The following L3MBTL1 variants were observed in gnomAD, a reference collection of about 807,000 sequenced individuals.
L3MBTL1 encodes the protein L3MBTL histone methyl-lysine binding protein 1.
Under a neutral mutation model 105.3 loss-of-function variants are expected in L3MBTL1, and 75 were observed. The ratio of observed to expected loss-of-function variants is 0.71; its 90% CI spans 0.59 to 0.86. L3MBTL1 has a LOEUF of 0.86. Ranked by LOEUF, L3MBTL1 falls within the 40% of genes least tolerant of loss-of-function variation. The pLI is 0.00. For synonymous variants in L3MBTL1, 452 were observed against 436.2 expected (o/e 1.04, Z -0.45); for missense variants, 1,069 against 1,126.4 (o/e 0.95, Z 0.73).
At chr20:43,542,626 AAAAAG>A (rs2019960398), downstream of L3MBTL1, among the ~76,000 whole-genome samples, 3 of 151,890 alleles carry the variant, frequency 2.0e-5, no homozygotes, top group South Asian at 2.1e-4. Context: ...AAAAAAAAAA[AAAAAG>A]AAAAGAAAAA....
chr20:43,522,116 G>A (rs2018740528), intron 7 of L3MBTL1, among the ~76,000 whole-genome samples: 1 of 152,192 alleles, frequency 6.6e-6, no homozygotes, highest in South Asian at 2.1e-4. Context: ...CTGCACTTTG[G>A]GAGGCCGAGG....
At chr20:43,521,942 G>T (rs1213958493) in intron 7 of L3MBTL1, among the ~76,000 whole-genome samples, 1 of 152,188 alleles carries the variant, frequency 6.6e-6, no homozygotes, top group African/African-American at 2.4e-5. Context: ...ATGAGCAAAA[G>T]AACAGATATC....
chr20:43,534,471 G>T, intron 15 of L3MBTL1, 77 bp downstream of exon 15: 1 of 1,106,856 alleles, frequency 9.0e-7, no homozygotes, highest in South Asian at 1.3e-5. Context: ...AGAGGTCAGG[G>T]GCATCATGGC....
intron 2 of L3MBTL1, 49 bp downstream of exon 2, chr20:43,513,688 C>G: frequency 6.5e-7 from 1 of 1,549,348 alleles, no homozygotes. Context: ...ATCTCTGTAC[C>G]TGCTCAAGCA....
At chr20:43,512,491 A>T (rs1185895978) in intron 1 of L3MBTL1, among the ~76,000 whole-genome samples, 5 of 152,230 alleles carry the variant, frequency 3.3e-5, no homozygotes, top group African/African-American at 1.2e-4. Flanking sequence ...GACTACAGGC[A>T]TGCACCACTG....
intron 9 of L3MBTL1, 118 bp from the exon 10 acceptor site, chr20:43,530,166 G>T: frequency 7.9e-7 from 1 of 1,265,448 alleles, no homozygotes; most frequent in Non-Finnish European, 1.1e-6. Flanking sequence ...AGGTGGGGTT[G>T]GGGAACCTGC....
At chr20:43,537,496 C>T (rs60405072) in intron 19 of L3MBTL1, among the ~76,000 whole-genome samples, 49 of 149,474 alleles carry the variant, frequency 3.3e-4, no homozygotes, top group African/African-American at 1.2e-3. Flanking sequence ...TTCATTTTAA[C>T]TTAATCACTC....
chr20:43,518,831 C>G (rs8124567), intron 7 of L3MBTL1, among the ~76,000 whole-genome samples: 13,038 of 127,644 alleles, frequency 0.1, 1,298 homozygotes, highest in African/African-American at 0.26. Context: ...CATGGTGAAA[C>G]CCCATCTCTA....
At chr20:43,545,483 A>G (rs1978535361), downstream of L3MBTL1, among the ~76,000 whole-genome samples, 1 of 152,142 alleles carries the variant, frequency 6.6e-6, no homozygotes, top group African/African-American at 2.4e-5. Context: ...CTCAGGTCCA[A>G]GGGAGCTGCC....
chr20:43,545,213 A>G (rs1382727456), downstream of L3MBTL1, among the ~76,000 whole-genome samples: 1 of 151,722 alleles, frequency 6.6e-6, no homozygotes, highest in African/African-American at 2.4e-5. Context: ...GAAAAATACA[A>G]AATTAGCCGG....
intron 7 of L3MBTL1, among the ~76,000 whole-genome samples, chr20:43,525,163 C>T (rs1057447603): frequency 4.0e-5 from 6 of 150,786 alleles, no homozygotes; most frequent in South Asian, 2.1e-4. Context: ...TTCTGGCTTG[C>T]GTGACTGGAT....
chr20:43,530,142 T>A, intron 9 of L3MBTL1, 142 bp from the exon 10 acceptor site: 1 of 956,140 alleles, frequency 1.0e-6, no homozygotes, highest in Non-Finnish European at 1.6e-6. Flanking sequence ...TGGGGTACAA[T>A]TGGGAGGAAA....
chr20:43,548,109 A>G lies in L3MBTL1; in HGVS notation c.2125-2A>G. ...TTCCACCTCCCTCCCGCAACCCCTC[A>G]GATGATTGACGGCGAGGCCTTCCTT... On this transcript the variant is annotated splice_acceptor_variant, in intron 18 of 18. Coordinates refer to the L3MBTL1 transcript ENST00000422861. LOFTEE classifies it high-confidence loss of function. 3 of 1,297,798 alleles carry G rather than the reference A, an allele frequency of 2.3e-6. No individual in the cohort carries two copies. In the South Asian group the frequency reaches 3.7e-5, roughly 16 times the overall value. 80.4% of individuals were successfully genotyped at this position (1,297,798 alleles called of 1,614,324 possible).
intron 15 of L3MBTL1, 177 bp downstream of exon 15, chr20:43,534,571 C>G: frequency 3.2e-6 from 2 of 625,406 alleles, no homozygotes; most frequent in African/African-American, 1.8e-5. Context: ...TTTTCCCTCT[C>G]TAAGCCTTAC....
At chr20:43,519,720 A>G (rs537065651) in intron 7 of L3MBTL1, among the ~76,000 whole-genome samples, 1 of 152,322 alleles carries the variant, frequency 6.6e-6, no homozygotes, top group Non-Finnish European at 1.5e-5. Context: ...AGCACGTTGT[A>G]GCCTCAAACT....
In L3MBTL1 at chr20:43,541,455, T is replaced by C; in HGVS notation, c.*327T>C. 3.4e-6 allele frequency: 1 copy of C among 293,336 alleles called. No individual in the cohort carries two copies. Among genetic ancestry groups the C allele is most frequent in the East Asian group, 7.6e-5 (1 of 13,222 alleles). 18.2% of individuals were successfully genotyped at this position (293,336 alleles called of 1,614,324 possible). The stretch of plus-strand genomic sequence containing the variant: ...ATGAATCATACCAGAACGTCTAGTA[T>C]AATTACAGTCATGCATTGCTTAACG... On this transcript the variant is annotated 3_prime_UTR_variant, in exon 22 of 22. Coordinates refer to ENST00000418998, the MANE Select transcript of L3MBTL1 (RefSeq NM_001377303.1).
At chr20:43,544,607 C>T (rs931881521), downstream of L3MBTL1, among the ~76,000 whole-genome samples, 4 of 152,114 alleles carry the variant, frequency 2.6e-5, no homozygotes, top group Non-Finnish European at 5.9e-5. Flanking sequence ...TGGCAGTTAC[C>T]GTGGGTGAGA....
Position 43,515,084 on chromosome 20 carries a change from C to T in L3MBTL1, c.578C>T (p.Ala193Val), listed in dbSNP as rs752853664. Residue 193 changes from alanine (A) to valine (V), a missense_variant, in exon 5 of 22, where the codon GCG becomes GTG. Coordinates refer to ENST00000418998, the MANE Select transcript of L3MBTL1 (RefSeq NM_001377303.1). Reference sequence around the variant, plus strand: ...GATGATAGCACCTGTCAGTGCCAGGCGTGCGGGCCTCACCAAGCCGCGGGT... The same window carrying T: ...GATGATAGCACCTGTCAGTGCCAGGTGTGCGGGCCTCACCAAGCCGCGGGT... ...PEDDSTCQCQ[A>V]CGPHQAAGPD... 1.2e-6 allele frequency: 2 copies of T among 1,614,142 alleles called. No individual in the cohort carries two copies. Among genetic ancestry groups the T allele is most frequent in the Admixed American group, 3.3e-5 (2 of 60,026 alleles).
Position 43,514,595 on chromosome 20 carries a change from C to G in L3MBTL1, c.361-40C>G. On this transcript the variant is annotated intron_variant, in intron 3 of 21. Coordinates refer to ENST00000418998, the MANE Select transcript of L3MBTL1 (RefSeq NM_001377303.1). Reference sequence around the variant, plus strand: ...CCGACTCCGAGATGGGTCAAGGACCCGTACGGGAGTCGCAATCCTCAGACC... The same window carrying G: ...CCGACTCCGAGATGGGTCAAGGACCGGTACGGGAGTCGCAATCCTCAGACC... 3 of 1,599,190 alleles carry G rather than the reference C, an allele frequency of 1.9e-6. No individual in the cohort carries two copies. Among genetic ancestry groups the G allele is most frequent in the African/African-American group, 2.7e-5 (2 of 74,782 alleles).
Sources: gnomAD v4.1 joint callset for allele counts (sites outside exome capture counted in the v4.1 genomes callset) on GRCh38, gnomAD v4.1.1 for gene constraint, MANE v1.5 for transcripts, NCBI Gene and HGNC (gene_info 2026-07-23, HGNC 2026-07-21) for gene names.